Variants in SGSH observed in about 807,000 individuals in gnomAD.
SGSH encodes heparan sulfate sulfatase.
SGSH carries 48 observed loss-of-function variants against 51.0 expected under a neutral mutation model. The ratio of observed to expected loss-of-function variants is 0.94; its 90% CI spans 0.75 to 1.20. SGSH has a LOEUF of 1.20. SGSH is among the 50% of genes most tolerant of loss of function. The pLI, the probability that SGSH is intolerant of heterozygous loss-of-function variation, is 0.00. For synonymous variants in SGSH, 321 were observed against 313.4 expected (o/e 1.02, Z -0.26); for missense variants, 662 against 717.8 (o/e 0.92, Z 0.89).
chr17:80,214,580 C>T (rs368294574), intron 4 of SGSH, 35 bp downstream of exon 4: 43 of 1,602,118 alleles, frequency 2.7e-5, no homozygotes, highest in Non-Finnish European at 3.0e-5. Context: ...TGGTACCGGC[C>T]GCCAGGGGGA....
At chr17:80,215,444 C>G (rs940495713) in intron 2 of SGSH, among the ~76,000 whole-genome samples, 5 of 152,248 alleles carry the variant, frequency 3.3e-5, no homozygotes, top group Non-Finnish European at 7.3e-5. Context: ...TATGATCACA[C>G]GTTACAGAGT....
chr17:80,205,752 C>G (rs2041266430), downstream of SGSH: 2 of 1,270,486 alleles, frequency 1.6e-6, no homozygotes, highest in African/African-American at 1.5e-5. Context: ...CGACCTGAGA[C>G]CTGGGTGACC....
intron 3 of SGSH, 37 bp downstream of exon 3, chr17:80,214,996 C>G: frequency 3.2e-6 from 5 of 1,567,422 alleles, no homozygotes; most frequent in Non-Finnish European, 4.4e-6. Flanking sequence ...GCCTCTGTGC[C>G]TCACCCCACG....
At chr17:80,214,948 C>A in intron 3 of SGSH, 85 bp downstream of exon 3, 1 of 1,357,872 alleles carries the variant, frequency 7.4e-7, no homozygotes, top group Non-Finnish European at 1.0e-6. Flanking sequence ...CTGAGCGTGC[C>A]TTGGTACAAG....
intron 5 of SGSH, 142 bp from the exon 6 acceptor site, chr17:80,214,027 G>T: frequency 7.5e-7 from 1 of 1,327,038 alleles, no homozygotes; most frequent in Non-Finnish European, 1.1e-6. Flanking sequence ...GGTTCTCTCT[G>T]TGGCCCCGAG....
chr17:80,210,542 C>G lies in SGSH; in HGVS notation c.1419G>C (p.Trp473Cys), dbSNP rs1453217230. 1 of 1,612,030 alleles carries G rather than the reference C, an allele frequency of 6.2e-7. No homozygotes were observed. The highest frequency in any genetic ancestry group is 1.3e-5 in the African/African-American group (1 of 74,908). The change falls in exon 8 of 8, where the codon TGG (tryptophan) becomes TGC (cysteine). Residue 473 changes from tryptophan to cysteine, a missense_variant. Physicochemically the swap from Trp to Cys is radical, Grantham distance 215. Transcript: ENST00000326317. ...MLRDQLAKWQ[W>C]ETHDPWVCAP... ...CGCACACCCAGGGGTCGTGGGTCTC[C>G]CACTGCCACTTGGCCAGCTGGTCCC...
Position 80,210,104 on chromosome 17 carries a change from G to A in SGSH, c.*348C>T, listed in dbSNP as rs911557673. 2 of 1,171,284 alleles carry A rather than the reference G, an allele frequency of 1.7e-6. No homozygotes were observed. The highest frequency in any genetic ancestry group is 2.1e-6 in the Non-Finnish European group (2 of 942,186). 72.6% of individuals were successfully genotyped at this position (1,171,284 alleles called of 1,614,324 possible). A position where few individuals can be genotyped will look rare whatever the true frequency, so the allele number is the denominator to read the frequency against. ...ATTTGCAGGTCCCCAAACCAAGCCAGAAAACAAGACTCCCTTGTCATGGGC... is the reference window on the plus strand; with the variant it reads ...ATTTGCAGGTCCCCAAACCAAGCCAAAAAACAAGACTCCCTTGTCATGGGC... On this transcript the variant is annotated 3_prime_UTR_variant, in exon 8 of 8. Coordinates refer to ENST00000326317, the MANE Select transcript of SGSH (RefSeq NM_000199.5).
At chr17:80,214,431 T>C (rs558726519) in intron 4 of SGSH, 103 bp from the exon 5 acceptor site, 3 of 1,386,474 alleles carry the variant, frequency 2.2e-6, no homozygotes, top group Admixed American at 2.1e-5. Context: ...AGTCAACCTG[T>C]GACCCTCACT....
At position 80,210,496 on chromosome 17, in the gene SGSH, C is replaced by T. The variant is rs767878626; in HGVS notation, c.1465G>A (p.Glu489Lys). ...WVCAPDGVLE[E>K]KLSPQCQPLH... is the part of the protein sequence containing the mutation. ...GGCTGGCACTGGGGAGAGAGCTTCT[C>T]CTCCAGGACGCCGTCGGGGGCGCAC... Residue 489 changes from glutamate to lysine, a missense_variant, in exon 8 of 8, where the codon GAG (glutamate) becomes AAG (lysine). Glu to Lys is a moderately conservative substitution (Grantham distance 56). Coordinates refer to ENST00000326317, the MANE Select transcript of SGSH (RefSeq NM_000199.5). 1.9e-6 allele frequency: 3 copies of T among 1,605,230 alleles called. No homozygotes were observed. Among genetic ancestry groups the T allele is most frequent in the Non-Finnish European group, 2.5e-6 (3 of 1,179,224 alleles).
intron 7 of SGSH, chr17:80,211,468 G>A (rs926363779): frequency 4.5e-5 from 13 of 287,626 alleles, no homozygotes; most frequent in African/African-American, 2.6e-4. Context: ...GGACACACGA[G>A]CCTCTGCCCT....
downstream of SGSH, chr17:80,205,884 G>T: frequency 2.2e-6 from 1 of 456,622 alleles, no homozygotes; most frequent in Non-Finnish European, 3.9e-6. Flanking sequence ...TCCTCAGCTT[G>T]GGGGATGTTT....
downstream of SGSH, chr17:80,201,839 C>T: frequency 1.2e-6 from 2 of 1,614,000 alleles, no homozygotes; most frequent in Non-Finnish European, 1.7e-6. The surrounding 1 kb of genome is among the most constrained non-coding windows in gnomAD (Gnocchi z 5.0). Context: ...TGGACGGCTT[C>T]TGCTGCCTGT....
At chr17:80,219,768 G>A (rs2042065882) in intron 1 of SGSH, 3 of 157,018 alleles carry the variant, frequency 1.9e-5, no homozygotes, top group Admixed American at 6.5e-5. Flanking sequence ...ACGGTGGTGG[G>A]TGGGTGGTGG....
chr17:80,218,295 T>C (rs942415083), intron 1 of SGSH, among the ~76,000 whole-genome samples: 3 of 152,234 alleles, frequency 2.0e-5, no homozygotes, highest in African/African-American at 7.2e-5. Context: ...AGGTTGTCTA[T>C]TTCAACCCTT....
chr17:80,201,260 G>A, the SGSH span: 1 of 163,044 alleles, frequency 6.1e-6, no homozygotes, highest in Non-Finnish European at 1.4e-5. The surrounding 1 kb of genome is among the most constrained non-coding windows in gnomAD (Gnocchi z 5.0). Flanking sequence ...GGAAGCCCTG[G>A]GGGGTGGGCC....
intron 1 of SGSH, among the ~76,000 whole-genome samples, chr17:80,219,348 G>C (rs1490660300): frequency 1.3e-5 from 2 of 152,146 alleles, no homozygotes; most frequent in African/African-American, 4.8e-5. Context: ...CCACAGAACT[G>C]TGAGAAATAC....
At position 80,214,316 on chromosome 17, in the gene SGSH, G is replaced by A. The variant is rs750394348; in HGVS notation, c.519C>T (p.Leu173=). The change falls in exon 5 of 8, where the codon CTC becomes CTT. Residue 173 remains leucine, a synonymous_variant. Transcript: ENST00000326317. ...GGTGGGGGTCGTGGAAGGCGACGTA[G>A]AGGAAGAAAGGCCTGCACGGGAGGA... ...LQTQDDRPFF[L]YVAFHDPHRC... 2.5e-6 allele frequency: 4 copies of A among 1,612,962 alleles called. No individual in the cohort carries two copies. Among genetic ancestry groups the A allele is most frequent in the Non-Finnish European group, 3.4e-6 (4 of 1,179,998 alleles).
downstream of SGSH, chr17:80,204,824 AC>A (rs1258558597): frequency 2.1e-5 from 11 of 520,570 alleles, no homozygotes; most frequent in Non-Finnish European, 3.4e-5. Flanking sequence ...CTGGAGAGCC[AC>A]AGAGCTGTGT....
downstream of SGSH, among the ~76,000 whole-genome samples, chr17:80,207,409 G>A (rs1386433680): frequency 6.6e-6 from 1 of 152,204 alleles, no homozygotes; most frequent in African/African-American, 2.4e-5. Context: ...AAACTAGCCA[G>A]GTGTGGCGGC....
Sources: gnomAD v4.1 joint callset for allele counts (sites outside exome capture counted in the v4.1 genomes callset) on GRCh38, gnomAD v4.1.1 for gene constraint, Gnocchi (gnomAD v3.1) non-coding constraint, MANE v1.5 for transcripts, NCBI Gene and HGNC (gene_info 2026-07-23, HGNC 2026-07-21) for gene names.